CFAP97: variants seen among roughly 807,000 people sequenced by gnomAD.
CFAP97 encodes the protein cilia- and flagella-associated protein 97.
In CFAP97, 36 loss-of-function variants were observed where a neutral mutation model predicts 43.1. The observed-to-expected ratio is 0.84, with a 90% confidence interval of 0.64 to 1.10. The LOEUF is 1.10. Among genes scored for constraint, CFAP97 ranks in the 50% least tolerant of loss-of-function variants. The probability of loss-of-function intolerance (pLI) is 0.00; values close to 1 mark genes in which losing one functional copy is unlikely to be tolerated. For missense variants in CFAP97, 657 were observed against 620.3 expected (o/e 1.06, Z -0.63); for synonymous variants, 228 against 225.7 (o/e 1.01, Z -0.09).
At chr4:185,172,063 G>A (rs183585445) in intron 3 of CFAP97, among the ~76,000 whole-genome samples, 3 of 152,134 alleles carry the variant, frequency 2.0e-5, no homozygotes, top group Non-Finnish European at 4.4e-5. Flanking sequence ...CAGAATTCAT[G>A]AGTTAAAAAA....
intron 1 of CFAP97, 108 bp downstream of exon 1, chr4:185,203,790 G>A (rs1052060504): frequency 7.4e-6 from 1 of 136,026 alleles, no homozygotes; most frequent in Non-Finnish European, 1.7e-5. Context: ...CCCACCCCGA[G>A]TACTCGCCGC....
At chr4:185,205,556 G>A (rs551686792), upstream of CFAP97, among the ~76,000 whole-genome samples, 17 of 152,282 alleles carry the variant, frequency 1.1e-4, no homozygotes, top group South Asian at 1.9e-3. Flanking sequence ...TTGGCCCGGC[G>A]CGGTGGCTCA....
chr4:185,183,937 A>C (rs1579249037), intron 2 of CFAP97, among the ~76,000 whole-genome samples: 1 of 152,168 alleles, frequency 6.6e-6, no homozygotes, highest in Admixed American at 6.5e-5. Context: ...TTTCAATTTA[A>C]TTATAATTGG....
At chr4:185,178,376 T>A (rs1316979620) in intron 2 of CFAP97, among the ~76,000 whole-genome samples, 1 of 150,528 alleles carries the variant, frequency 6.6e-6, no homozygotes, top group Non-Finnish European at 1.5e-5. Context: ...GCCTCCTGAG[T>A]AGCTGGGATT....
chr4:185,169,531 G>A (rs770484617), intron 3 of CFAP97: 13 of 807,162 alleles, frequency 1.6e-5, no homozygotes, highest in Non-Finnish European at 1.9e-5. Context: ...CCAGTCTCAG[G>A]TAGTATCTTT....
upstream of CFAP97, among the ~76,000 whole-genome samples, chr4:185,204,929 GTTGTT>G (rs1258305897): frequency 6.6e-6 from 1 of 152,216 alleles, no homozygotes; most frequent in Non-Finnish European, 1.5e-5. Flanking sequence ...ATACACCTGT[GTTGTT>G]TTAACTACTG....
At chr4:185,200,713 G>A (rs1174483540) in intron 1 of CFAP97, among the ~76,000 whole-genome samples, 2 of 152,084 alleles carry the variant, frequency 1.3e-5, no homozygotes, top group Non-Finnish European at 2.9e-5. Flanking sequence ...CTTGGGCTGG[G>A]GAGGTTGAGG....
chr4:185,162,935 T>C lies in CFAP97; in HGVS notation c.1472-10A>G. 1 of 1,538,084 alleles carries C rather than the reference T, an allele frequency of 6.5e-7. No individual in the cohort carries two copies. Among genetic ancestry groups the C allele is most frequent in the Non-Finnish European group, 8.7e-7 (1 of 1,150,098 alleles). On this transcript the variant is annotated splice_polypyrimidine_tract_variant and intron_variant, in intron 4 of 4. Coordinates refer to ENST00000458385, the MANE Select transcript of CFAP97 (RefSeq NM_020827.3). ...GATGTCCTGGAAGCTCCTGAAAATA[T>C]AAAAAGAAGAAATATCTGAGAAACT...
intron 3 of CFAP97, among the ~76,000 whole-genome samples, chr4:185,168,651 T>G (rs577560523): frequency 2.7e-5 from 4 of 149,634 alleles, no homozygotes; most frequent in African/African-American, 9.9e-5. Context: ...TCCCAGCACT[T>G]TGGGAGGCTG....
rs368433789 is a variant in CFAP97, at chr4:185,190,598, G to A, written c.599C>T (p.Ser200Leu). ...DAGSDSHLSD[S>L]SPSSKSSKKH... is the part of the protein sequence containing the mutation. ...CTTAGATGACTTAGATGACGGAGAC[G>A]AATCAGATAGATGGCTATCAGACCC... is the stretch of plus-strand genomic sequence containing the variant. The change falls in exon 2 of 5, where the codon TCG becomes TTG. Residue 200 changes from serine to leucine, a missense_variant. Ser to Leu is a moderately radical substitution (Grantham distance 145). Coordinates refer to ENST00000458385, the MANE Select transcript of CFAP97 (RefSeq NM_020827.3). 1.2e-4 allele frequency: 200 copies of A among 1,610,296 alleles called. No individual in the cohort carries two copies. Among genetic ancestry groups the A allele is most frequent in the Non-Finnish European group, 1.6e-4 (185 of 1,178,068 alleles).
At chr4:185,171,607 GA>G (rs1210433795) in intron 3 of CFAP97, among the ~76,000 whole-genome samples, 1 of 152,158 alleles carries the variant, frequency 6.6e-6, no homozygotes, top group East Asian at 1.9e-4. Flanking sequence ...AGGGTAAAGT[GA>G]AACCATCAAC....
At chr4:185,189,398 C>A (rs1280897232) in intron 2 of CFAP97, among the ~76,000 whole-genome samples, 33 of 152,238 alleles carry the variant, frequency 2.2e-4, no homozygotes, top group Non-Finnish European at 2.9e-5. Flanking sequence ...AACAGGAAGA[C>A]AGAGAATTCT....
chr4:185,208,598 C>T (rs185201916), upstream of CFAP97, among the ~76,000 whole-genome samples: 1 of 151,788 alleles, frequency 6.6e-6, no homozygotes, highest in African/African-American at 2.4e-5. Flanking sequence ...TGTGGTGGTG[C>T]GTGCCTGTAA....
Position 185,162,573 on chromosome 4 carries a change from T to A in CFAP97, c.*225A>T, listed in dbSNP as rs546724460. 1.2e-4 allele frequency: 64 copies of A among 515,626 alleles called. No homozygotes were observed. The highest frequency in any genetic ancestry group is 1.1e-3 in the African/African-American group (58 of 50,634). 31.9% of individuals were successfully genotyped at this position (515,626 alleles called of 1,614,324 possible). ...ACACATGCATACCACTATTTCTCTA[T>A]TAAGAACACATACATCTCATATAAA... On this transcript the variant is annotated 3_prime_UTR_variant, in exon 5 of 5. Coordinates refer to ENST00000458385, the MANE Select transcript of CFAP97 (RefSeq NM_020827.3).
chr4:185,207,718 T>G (rs554734107), upstream of CFAP97: 1 of 152,186 alleles, frequency 6.6e-6, no homozygotes, highest in Admixed American at 6.5e-5. Flanking sequence ...TTTGCAATGT[T>G]GAGCATGTCA....
chr4:185,185,934 TG>T (rs979074191), intron 2 of CFAP97, among the ~76,000 whole-genome samples: 1 of 152,134 alleles, frequency 6.6e-6, no homozygotes, highest in African/African-American at 2.4e-5. Context: ...CCACTGTACC[TG>T]GCCTGCCAAC....
chr4:185,203,094 G>A (rs1736965112), intron 1 of CFAP97, among the ~76,000 whole-genome samples: 1 of 152,140 alleles, frequency 6.6e-6, no homozygotes, highest in Non-Finnish European at 1.5e-5. Flanking sequence ...CCGGACTTTG[G>A]GAGGCCAAGA....
At position 185,190,590 on chromosome 4, in the gene CFAP97, A is replaced by G. The variant is rs1324526273; in HGVS notation, c.607T>C (p.Ser203Pro). Residue 203 changes from serine (S) to proline (P), a missense_variant, in exon 2 of 5, where the codon TCA (serine) becomes CCA (proline). Physicochemically the swap from Ser to Pro is moderately conservative, Grantham distance 74 (BLOSUM62 -1). Coordinates refer to ENST00000458385, the MANE Select transcript of CFAP97 (RefSeq NM_020827.3). ...ACATGTTTCTTAGATGACTTAGATGACGGAGACGAATCAGATAGATGGCTA... is the reference window on the plus strand; with the variant it reads ...ACATGTTTCTTAGATGACTTAGATGGCGGAGACGAATCAGATAGATGGCTA... Reference protein sequence around the residue: ...SDSHLSDSSPSSKSSKKHVSG... With the variant: ...SDSHLSDSSPPSKSSKKHVSG... The G allele has an allele frequency of 1.2e-6, 2 of 1,612,616 alleles. No homozygotes were observed. Among genetic ancestry groups the G allele is most frequent in the Non-Finnish European group, 1.7e-6 (2 of 1,179,280 alleles).
At chr4:185,187,955 G>T (rs1050884053) in intron 2 of CFAP97, among the ~76,000 whole-genome samples, 3 of 152,106 alleles carry the variant, frequency 2.0e-5, no homozygotes, top group African/African-American at 7.2e-5. Flanking sequence ...GGAGTGCAGT[G>T]GCGTGATCTC....
Sources: allele counts gnomAD v4.1 joint callset (sites outside exome capture counted in the v4.1 genomes callset), GRCh38; gene constraint gnomAD v4.1.1; transcripts MANE v1.5; gene names NCBI Gene and HGNC (gene_info 2026-07-23, HGNC 2026-07-21).